Variants in ACTR10 observed in about 807,000 individuals in gnomAD.
ACTR10 encodes the protein actin related protein 10.
Under a neutral mutation model 56.2 loss-of-function variants are expected in ACTR10, and 43 were observed. That is an observed-to-expected ratio of 0.77 (90% CI 0.60 to 0.99). ACTR10 has a LOEUF of 0.99. Ranked by LOEUF, ACTR10 falls within the 50% of genes least tolerant of loss-of-function variation. The pLI, the probability that ACTR10 is intolerant of heterozygous loss-of-function variation, is 0.00. For synonymous variants in ACTR10, 170 were observed against 176.3 expected, an observed-to-expected ratio of 0.96 and a Z score of 0.28; for missense variants, 466 against 507.8, an observed-to-expected ratio of 0.92 and a Z score of 0.79.
rs907062123 is a variant in ACTR10 at position 58,225,446 on chromosome 14, A to G, written c.788+1590A>G. Among the ~76,000 whole-genome samples, 5 of 152,254 alleles carry G rather than the reference A, an allele frequency of 3.3e-5. No homozygotes were observed. In the East Asian group the frequency reaches 7.7e-4, roughly 23 times the overall value. ...TATTATGTAATGTATTGAACATCCT[A>G]TTAGGTTTTGAGTAATGTAGAACTT... On this transcript the variant is annotated intron_variant, in intron 10 of 12. Transcript: ENST00000254286.
chr14:58,215,331 GT>G, intron 7 of ACTR10, 47 bp downstream of exon 7: 1 of 1,226,764 alleles, frequency 8.2e-7, no homozygotes, highest in Middle Eastern at 1.9e-4. Flanking sequence ...CTCTCTTTTT[GT>G]TCTTCAACTT....
chr14:58,204,438 C>T (rs1387499947), intron 2 of ACTR10, among the ~76,000 whole-genome samples: 1 of 152,092 alleles, frequency 6.6e-6, no homozygotes, highest in South Asian at 2.1e-4. Flanking sequence ...TAGTCCCCAG[C>T]TACTTGGGAG....
intron 12 of ACTR10, among the ~76,000 whole-genome samples, 157 bp downstream of exon 12, chr14:58,232,424 T>C (rs1167908017): frequency 7.2e-6 from 1 of 138,158 alleles, no homozygotes; most frequent in Non-Finnish European, 1.6e-5. Context: ...TTTTTTTTTT[T>C]TTTTTTTGAG....
At chr14:58,231,100 C>T in intron 11 of ACTR10, 1 of 351,278 alleles carries the variant, frequency 2.8e-6, no homozygotes, top group African/African-American at 2.2e-5. Context: ...GTTGCCCAGG[C>T]TGGAGTGCAA....
At chr14:58,225,011 A>G (rs1227656524) in intron 10 of ACTR10, among the ~76,000 whole-genome samples, 1 of 151,864 alleles carries the variant, frequency 6.6e-6, no homozygotes, top group African/African-American at 2.4e-5. Context: ...AAAATTGCTC[A>G]GGCTTTATGG....
intron 10 of ACTR10, among the ~76,000 whole-genome samples, chr14:58,226,797 T>C (rs1013039081): frequency 6.6e-6 from 1 of 152,002 alleles, no homozygotes; most frequent in Non-Finnish European, 1.5e-5. Context: ...ACGAGGTTTC[T>C]CCATGTTAGT....
At chr14:58,214,522 G>A (rs1317831654) in intron 6 of ACTR10, among the ~76,000 whole-genome samples, 3 of 151,188 alleles carry the variant, frequency 2.0e-5, no homozygotes, top group Non-Finnish European at 2.9e-5. Flanking sequence ...ATGGAGTCTC[G>A]CTCTGTCACC....
intron 12 of ACTR10, 141 bp from the exon 13 acceptor site, chr14:58,234,229 G>T (rs570936131): frequency 5.1e-6 from 3 of 587,744 alleles, no homozygotes; most frequent in Non-Finnish European, 8.5e-6. Context: ...GGCTTAACTG[G>T]AATTACTTTG....
chr14:58,207,606 T>C (rs991816178), intron 2 of ACTR10, among the ~76,000 whole-genome samples: 1 of 152,194 alleles, frequency 6.6e-6, no homozygotes, highest in Non-Finnish European at 1.5e-5. Context: ...ATTACAGGCA[T>C]GAGCCACCAC....
chr14:58,225,292 A>G (rs764610737), intron 10 of ACTR10, among the ~76,000 whole-genome samples: 1 of 152,218 alleles, frequency 6.6e-6, no homozygotes, highest in Admixed American at 6.5e-5. Flanking sequence ...ATGATCCAAT[A>G]TAAGTTGTTG....
intron 7 of ACTR10, among the ~76,000 whole-genome samples, chr14:58,217,060 G>A (rs1889150021): frequency 6.6e-6 from 1 of 152,126 alleles, no homozygotes; most frequent in Admixed American, 6.5e-5. Flanking sequence ...TCCAATTATA[G>A]CTTTCAAATT....
intron 2 of ACTR10, chr14:58,206,960 C>T (rs1888879908): frequency 6.6e-6 from 1 of 151,512 alleles, no homozygotes; most frequent in Admixed American, 6.6e-5. Context: ...TTTGGACTAA[C>T]AGGGACTGAA....
Position 58,234,446 on chromosome 14 carries a change from T to C in ACTR10, c.1149T>C (p.Arg383=), listed in dbSNP as rs776192010. 1.4e-5 allele frequency: 23 copies of C among 1,613,546 alleles called. No homozygotes were observed. The highest frequency in any genetic ancestry group is 1.7e-5 in the Non-Finnish European group (20 of 1,179,760). ...AGGAATATTATAATCAGACGGGCCG[T>C]ATACCTGATTGGTGTTCTCTCAATA... ...VSKEYYNQTG[R]IPDWCSLNNP... is the part of the protein sequence containing the mutation. The change falls in exon 13 of 13, where the codon CGT becomes CGC. Residue 383 remains arginine, a synonymous_variant. Transcript: ENST00000254286.
rs545767209 is a variant in ACTR10 at position 58,202,296 on chromosome 14, A to T, written c.78-559A>T. On this transcript the variant is annotated intron_variant, in intron 1 of 12. Transcript: ENST00000254286. ...TGCTAAAATTAACAACTAGGAAAAA[A>T]GTTGGCCAGGCGCGGTGGCCCACGC... 1.1e-4 allele frequency among the ~76,000 whole-genome samples: 17 copies of T among 152,184 alleles called. No individual in the cohort carries two copies. The East Asian group carries it at 3.1e-3, about 28-fold the overall frequency.
At position 58,215,211 on chromosome 14, in the gene ACTR10, G is replaced by T; in HGVS notation, c.525G>T (p.Leu175Phe). The change falls in exon 7 of 13, where the codon TTG (leucine) becomes TTT (phenylalanine). Residue 175 changes from leucine to phenylalanine, a missense_variant. Transcript: ENST00000254286. ...PLGGKALHKE[L>F]ETQLLEQCTV... Reference sequence around the variant, plus strand: ...TTTTTTTTTTTAATTTCAGAGAGTTGGAAACTCAACTATTGGAACAATGTA... The same window carrying T: ...TTTTTTTTTTTAATTTCAGAGAGTTTGAAACTCAACTATTGGAACAATGTA... 1.3e-6 allele frequency: 2 copies of T among 1,584,788 alleles called. No homozygotes were observed. Among genetic ancestry groups the T allele is most frequent in the Non-Finnish European group, 8.6e-7 (1 of 1,166,338 alleles).
In ACTR10 at chr14:58,230,418, CT is replaced by C; in HGVS notation, c.813del (p.Phe271LeufsTer13). On this transcript the variant is annotated frameshift_variant, in exon 11 of 13. Transcript: ENST00000254286. LOFTEE classifies it high-confidence loss of function. ...GSIRDSVVEI[L>X]FEQDNEEQSV... ...CATTAGAGATTCAGTTGTGGAAATT[CT>C]TTTTGAACAAGATAATGAAGAGCAA... 1 of 1,585,240 alleles carries C rather than the reference CT, an allele frequency of 6.3e-7. No individual in the cohort carries two copies. The highest frequency in any genetic ancestry group is 2.3e-5 in the East Asian group (1 of 43,344).
intron 10 of ACTR10, among the ~76,000 whole-genome samples, chr14:58,227,932 T>TATCTCATTTAAAAGAAGTTC (rs1438739621): frequency 7.9e-5 from 12 of 152,294 alleles, no homozygotes; most frequent in Middle Eastern, 3.4e-3. Flanking sequence ...CTTAGAAGTT[T>TATCTCATTTAAAAGAAGTTC]ATCTCATTTA....
At chr14:58,213,122 A>T (rs1360995055) in intron 5 of ACTR10, 1 of 152,304 alleles carries the variant, frequency 6.6e-6, no homozygotes, top group African/African-American at 2.4e-5. Flanking sequence ...TGTCTCAGAA[A>T]AAAGTTAATA....
At chr14:58,225,972 A>G (rs1594813317) in intron 10 of ACTR10, among the ~76,000 whole-genome samples, 1 of 152,126 alleles carries the variant, frequency 6.6e-6, no homozygotes, top group African/African-American at 2.4e-5. Flanking sequence ...TTGGCCTCCC[A>G]AAGTGCTGGG....
Sources: gnomAD v4.1 joint callset for allele counts (sites outside exome capture counted in the v4.1 genomes callset) on GRCh38, gnomAD v4.1.1 for gene constraint, MANE v1.5 for transcripts, NCBI Gene and HGNC (gene_info 2026-07-23, HGNC 2026-07-21) for gene names.